The following TRIM36 variants were observed in gnomAD, a reference collection of about 807,000 sequenced individuals.
TRIM36 encodes the protein E3 ubiquitin-protein ligase TRIM36.
TRIM36 carries 42 observed loss-of-function variants against 72.4 expected under a neutral mutation model. That is an observed-to-expected ratio of 0.58 (90% CI 0.45 to 0.75). TRIM36 has a LOEUF of 0.75. Among genes scored for constraint, TRIM36 ranks in the 30% least tolerant of loss-of-function variants. TRIM36 has a pLI of 0.00. For missense variants in TRIM36, 913 were observed against 857.1 expected, an observed-to-expected ratio of 1.07 and a Z score of -0.81; for synonymous variants, 315 against 282.8, an observed-to-expected ratio of 1.11 and a Z score of -1.14.
intron 2 of TRIM36, among the ~76,000 whole-genome samples, chr5:115,160,485 TG>T (rs1305565917): frequency 2.0e-5 from 3 of 152,194 alleles, no homozygotes; most frequent in Admixed American, 6.5e-5. Context: ...AATAGCCACA[TG>T]TGGCTAGTGG....
rs544264480 is a variant in TRIM36 at position 115,151,673 on chromosome 5, T to C, written c.263-4279A>G. On this transcript the variant is annotated intron_variant, in intron 2 of 9. Coordinates refer to ENST00000513154, the MANE Select transcript of TRIM36 (RefSeq NM_001300759.2). ...TCAGAACAGGTGCTGGTGGTATCCA[T>C]GGCTGAAAGACCCAAAGATGGTTCA... 2.5e-3 allele frequency among the ~76,000 whole-genome samples: 376 copies of C among 152,298 alleles called. 1 individual carries two copies. The highest frequency in any genetic ancestry group is 4.1e-3 in the Non-Finnish European group (281 of 68,028).
intron 3 of TRIM36, among the ~76,000 whole-genome samples, chr5:115,145,455 G>A (rs1268623244): frequency 2.0e-5 from 3 of 152,170 alleles, no homozygotes; most frequent in African/African-American, 7.2e-5. Context: ...ATCAAAAGTT[G>A]TTAAAGATTC....
At chr5:115,163,188 C>T (rs1433190976) in intron 2 of TRIM36, among the ~76,000 whole-genome samples, 1 of 152,100 alleles carries the variant, frequency 6.6e-6, no homozygotes, top group Non-Finnish European at 1.5e-5. Context: ...AACTCATGAC[C>T]TCAGGTGATC....
intron 1 of TRIM36, among the ~76,000 whole-genome samples, chr5:115,164,173 G>A (rs1297825977): frequency 6.6e-6 from 1 of 152,152 alleles, no homozygotes; most frequent in Admixed American, 6.5e-5. Flanking sequence ...CACTGTGACT[G>A]ACAAATAACA....
intron 1 of TRIM36, chr5:115,177,377 C>T (rs1359768992): frequency 3.3e-6 from 1 of 301,012 alleles, no homozygotes; most frequent in Non-Finnish European, 5.2e-6. Context: ...GTGGTCTCAA[C>T]TTTGAGGGAT....
At chr5:115,161,772 G>A (rs900429720) in intron 2 of TRIM36, among the ~76,000 whole-genome samples, 4 of 151,630 alleles carry the variant, frequency 2.6e-5, no homozygotes, top group African/African-American at 9.8e-5. Context: ...TTGGGCTGAT[G>A]GTTTTCTTAC....
intron 1 of TRIM36, among the ~76,000 whole-genome samples, chr5:115,164,507 C>T (rs1457798637): frequency 6.6e-6 from 1 of 152,146 alleles, no homozygotes; most frequent in African/African-American, 2.4e-5. Flanking sequence ...ATCTGTGTTA[C>T]GTGGTGGCAG....
intron 5 of TRIM36, among the ~76,000 whole-genome samples, chr5:115,139,563 G>A (rs373994112): frequency 2.9e-4 from 44 of 152,324 alleles, no homozygotes; most frequent in African/African-American, 1.0e-3. Context: ...TTTTAAAAGA[G>A]AAGGAGCAGA....
At chr5:115,129,244 G>A (rs1021352781) in intron 9 of TRIM36, among the ~76,000 whole-genome samples, 24 of 152,160 alleles carry the variant, frequency 1.6e-4, no homozygotes, top group African/African-American at 5.6e-4. Context: ...ACATATTCCT[G>A]TTGCTAAGCT....
chr5:115,144,538 G>C (rs1413939839), intron 4 of TRIM36, 60 bp downstream of exon 4: 9 of 1,597,740 alleles, frequency 5.6e-6, no homozygotes, highest in Admixed American at 5.2e-5. Context: ...TAAATGAAAA[G>C]TTAAAGGCAT....
At chr5:115,165,711 T>C (rs889350860) in intron 1 of TRIM36, among the ~76,000 whole-genome samples, 6 of 151,948 alleles carry the variant, frequency 3.9e-5, no homozygotes, top group African/African-American at 1.5e-4. Context: ...CCCTTCCGAG[T>C]TGGTGCGGAG....
At chr5:115,170,305 C>T (rs1341941187), upstream of TRIM36, among the ~76,000 whole-genome samples, 1 of 152,232 alleles carries the variant, frequency 6.6e-6, no homozygotes, top group Non-Finnish European at 1.5e-5. Context: ...TGGCCCCTGG[C>T]CCCTGGCCCT....
chr5:115,130,941 T>C (rs1752644761), intron 8 of TRIM36, 52 bp from the exon 9 acceptor site: 1 of 1,532,054 alleles, frequency 6.5e-7, no homozygotes, highest in African/African-American at 1.4e-5. Flanking sequence ...TTGCTCTAGT[T>C]TGTTAAATCT....
upstream of TRIM36, among the ~76,000 whole-genome samples, chr5:115,170,219 G>C (rs986213108): frequency 6.6e-6 from 1 of 152,118 alleles, no homozygotes; most frequent in Non-Finnish European, 1.5e-5. Context: ...GAGGGCAGCG[G>C]GGAGCGGTGG....
chr5:115,170,273 G>A (rs901110973), upstream of TRIM36, among the ~76,000 whole-genome samples: 1 of 152,236 alleles, frequency 6.6e-6, no homozygotes, highest in Non-Finnish European at 1.5e-5. Context: ...CTCCGCTGCA[G>A]CAGAGCAGCC....
upstream of TRIM36, among the ~76,000 whole-genome samples, chr5:115,173,139 C>G (rs375235363): frequency 2.6e-5 from 4 of 152,296 alleles, no homozygotes; most frequent in East Asian, 7.7e-4. Flanking sequence ...GTTTCAGCAT[C>G]GAAATATCCC....
chr5:115,179,080 G>C (rs1223778351), intron 1 of TRIM36, among the ~76,000 whole-genome samples: 1 of 152,202 alleles, frequency 6.6e-6, no homozygotes, highest in East Asian at 1.9e-4. Flanking sequence ...TCCAGGCGCA[G>C]AGGGCAAACG....
intron 2 of TRIM36, among the ~76,000 whole-genome samples, chr5:115,151,096 T>C (rs1349153237): frequency 1.3e-5 from 2 of 152,182 alleles, no homozygotes; most frequent in African/African-American, 4.8e-5. Context: ...AGGAAAGCCA[T>C]ACTTGCTTTT....
At chr5:115,171,309 C>G, upstream of TRIM36, 3 of 1,564,388 alleles carry the variant, frequency 1.9e-6, no homozygotes, top group South Asian at 3.4e-5. Flanking sequence ...ATGAGGTGAA[C>G]AGAGGACGAA....
Sources: allele counts gnomAD v4.1 joint callset (sites outside exome capture counted in the v4.1 genomes callset), GRCh38; gene constraint gnomAD v4.1.1; transcripts MANE v1.5; gene names NCBI Gene and HGNC (gene_info 2026-07-23, HGNC 2026-07-21).